Variants in CRHR1 observed in about 807,000 individuals in gnomAD.
CRHR1 encodes corticotropin-releasing hormone receptor 1.
A neutral mutation model predicts 56.0 loss-of-function variants in CRHR1; 28 were observed. That is an observed-to-expected ratio of 0.50 (90% CI 0.37 to 0.69). The LOEUF (loss-of-function observed/expected upper bound fraction) is 0.69. Ranked by LOEUF, CRHR1 falls within the 30% of genes least tolerant of loss-of-function variation. The pLI is 0.00. For missense variants in CRHR1, 376 were observed against 548.0 expected (o/e 0.69, Z 3.13); for synonymous variants, 195 against 216.5 (o/e 0.90, Z 0.87).
intron 1 of CRHR1, chr17:45,799,509 C>G (rs185073027): frequency 1.3e-5 from 2 of 152,368 alleles, no homozygotes; most frequent in Admixed American, 6.5e-5. Flanking sequence ...TAGGCTCCAC[C>G]TGAACACAGT....
At chr17:45,827,351 G>T (rs534756539) in intron 4 of CRHR1, among the ~76,000 whole-genome samples, 1 of 152,376 alleles carries the variant, frequency 6.6e-6, no homozygotes, top group South Asian at 2.1e-4. Flanking sequence ...GAACAAGGCC[G>T]GGGTGTTGTG....
At chr17:45,821,143 C>T (rs1368465582) in intron 3 of CRHR1, among the ~76,000 whole-genome samples, 1 of 152,210 alleles carries the variant, frequency 6.6e-6, no homozygotes, top group Non-Finnish European at 1.5e-5. Flanking sequence ...GCCGGGGGAG[C>T]CACCAACCCC....
At chr17:45,822,997 A>G (rs985416086) in intron 4 of CRHR1, among the ~76,000 whole-genome samples, 1 of 148,772 alleles carries the variant, frequency 6.7e-6, no homozygotes, top group African/African-American at 2.5e-5. Flanking sequence ...TACAAAAATT[A>G]GCCGAGCATG....
intron 4 of CRHR1, among the ~76,000 whole-genome samples, chr17:45,822,865 G>A (rs1167368398): frequency 6.7e-6 from 1 of 149,318 alleles, no homozygotes; most frequent in Non-Finnish European, 1.5e-5. Context: ...AAAAAGTGGG[G>A]CCAAGTGCGG....
chr17:45,822,147 T>C (rs1163760092), intron 4 of CRHR1, among the ~76,000 whole-genome samples: 1 of 152,258 alleles, frequency 6.6e-6, no homozygotes, highest in African/African-American at 2.4e-5. Context: ...CCTTGCTTTT[T>C]TCATATAATC....
intron 4 of CRHR1, among the ~76,000 whole-genome samples, chr17:45,828,080 C>T (rs560723996): frequency 4.0e-4 from 61 of 152,350 alleles, no homozygotes; most frequent in Non-Finnish European, 7.1e-4. Flanking sequence ...TGCTTTTCAA[C>T]ACCCGTCTTT....
At chr17:45,808,211 C>A (rs556761185) in intron 2 of CRHR1, among the ~76,000 whole-genome samples, 1 of 152,254 alleles carries the variant, frequency 6.6e-6, no homozygotes, top group Non-Finnish European at 1.5e-5. Context: ...GTGGAAGACG[C>A]ATGCTTGCAA....
At chr17:45,829,124 C>T (rs2062233626) in intron 4 of CRHR1, 91 bp from the exon 5 acceptor site, 1 of 982,576 alleles carries the variant, frequency 1.0e-6, no homozygotes, top group Non-Finnish European at 1.6e-6. Context: ...AGATCATGAC[C>T]CGCTCCATCC....
intron 1 of CRHR1, among the ~76,000 whole-genome samples, chr17:45,795,045 A>G (rs1317448428): frequency 6.6e-6 from 1 of 152,172 alleles, no homozygotes; most frequent in Admixed American, 6.5e-5. Flanking sequence ...CACCCCCTGC[A>G]GGAGGAGATC....
In CRHR1 at chr17:45,784,724, ACT is replaced by A. The variant is rs2146239144; in HGVS notation, c.33+152_33+153del. The A allele has an allele frequency of 4.9e-6, 4 of 821,686 alleles. No homozygotes were observed. The highest frequency in any genetic ancestry group is 3.8e-5 in the Admixed American group (1 of 26,452). 50.9% of individuals were successfully genotyped at this position (821,686 alleles called of 1,614,324 possible). ...GAAGGCTGGGCTCCGGGGCAGCCTA[ACT>A]CTCTGGACCTTTGGAGCCAGGGTTG... On this transcript the variant is annotated intron_variant, in intron 1 of 12. Coordinates refer to ENST00000314537, the MANE Select transcript of CRHR1 (RefSeq NM_004382.5). This position sits in a 1 kb window ranked among gnomAD's most constrained non-coding sequence, Gnocchi z 4.2.
chr17:45,821,315 GGGC>G, intron 3 of CRHR1, 37 bp from the exon 4 acceptor site: 1 of 1,587,420 alleles, frequency 6.3e-7, no homozygotes, highest in Non-Finnish European at 8.6e-7. Context: ...GCAGGGGCCG[GGGC>G]TGCCCCGCCA....
rs77104565 is a variant in CRHR1 at position 45,798,528 on chromosome 17, GA to G, written c.34-8465del. Among the ~76,000 whole-genome samples the G allele has an allele frequency of 3.8e-3, 426 of 113,572 alleles. 2 individuals are homozygous for G. Among genetic ancestry groups the G allele is most frequent in the East Asian group, 5.7e-3 (22 of 3,838 alleles). The allele number at this position is 113,572 out of a possible 152,430, so 74.5% of individuals were successfully genotyped here. On this transcript the variant is annotated intron_variant, in intron 1 of 12. Coordinates refer to ENST00000314537, the MANE Select transcript of CRHR1 (RefSeq NM_004382.5). ...GCGACAAGGCGAGACTCCGTCTCGG[GA>G]AAAAAAAAAAAAAAAAGCCAAACAC...
At chr17:45,799,075 G>A (rs971322472) in intron 1 of CRHR1, among the ~76,000 whole-genome samples, 1 of 152,214 alleles carries the variant, frequency 6.6e-6, no homozygotes, top group African/African-American at 2.4e-5. Flanking sequence ...CAAGAGGGCT[G>A]AGAAAGGACC....
intron 3 of CRHR1, among the ~76,000 whole-genome samples, chr17:45,818,413 C>T (rs1028069457): frequency 1.3e-5 from 2 of 152,258 alleles, no homozygotes; most frequent in Non-Finnish European, 2.9e-5. Flanking sequence ...CACTTGCTGG[C>T]CCTGCCTGAA....
intron 2 of CRHR1, among the ~76,000 whole-genome samples, chr17:45,811,521 A>C (rs982637245): frequency 1.3e-5 from 2 of 152,190 alleles, no homozygotes; most frequent in African/African-American, 4.8e-5. Flanking sequence ...GCCTGTGGTG[A>C]CGTGCGCTGG....
At chr17:45,793,743 G>A (rs1275897087) in intron 1 of CRHR1, among the ~76,000 whole-genome samples, 1 of 152,230 alleles carries the variant, frequency 6.6e-6, no homozygotes, top group Non-Finnish European at 1.5e-5. Context: ...CCTGGAGGAA[G>A]GACCACTGTC....
chr17:45,809,685 G>T (rs1366827610), intron 2 of CRHR1, among the ~76,000 whole-genome samples: 1 of 152,266 alleles, frequency 6.6e-6, no homozygotes, highest in Non-Finnish European at 1.5e-5. Flanking sequence ...GTGAGGGTGG[G>T]GCGGAGGGGC....
chr17:45,830,067 C>G (rs1568069252), intron 5 of CRHR1, 27 bp from the exon 6 acceptor site: 1 of 1,613,774 alleles, frequency 6.2e-7, no homozygotes, highest in South Asian at 1.1e-5. Flanking sequence ...CTATCGCTCC[C>G]ATCATCCACC....
intron 1 of CRHR1, among the ~76,000 whole-genome samples, chr17:45,806,155 C>T (rs1004401962): frequency 1.3e-5 from 2 of 152,048 alleles, no homozygotes; most frequent in African/African-American, 2.4e-5. Context: ...CTAACCCTGT[C>T]GGGAGGGGGG....
Sources: allele counts gnomAD v4.1 joint callset (sites outside exome capture counted in the v4.1 genomes callset), GRCh38; gene constraint gnomAD v4.1.1; non-coding constraint Gnocchi (gnomAD v3.1); transcripts MANE v1.5; gene names NCBI Gene and HGNC (gene_info 2026-07-23, HGNC 2026-07-21).